CD38: variants seen among roughly 807,000 people sequenced by gnomAD.
The protein encoded by CD38 is ADP-ribosyl cyclase/cyclic ADP-ribose hydrolase 1.
A neutral mutation model predicts 36.3 loss-of-function variants in CD38; 31 were observed. The observed-to-expected ratio is 0.85, with a 90% CI of 0.64 to 1.15. CD38 has a LOEUF of 1.15. Ranked by LOEUF, CD38 falls within the 50% of genes most tolerant of loss-of-function variation. The pLI, the probability that CD38 is intolerant of heterozygous loss-of-function variation, is 0.00. For missense variants in CD38, 380 were observed against 371.9 expected (o/e 1.02, Z -0.18); for synonymous variants, 131 against 135.2 (o/e 0.97, Z 0.22).
At chr4:15,803,475 C>T (rs1348263923) in intron 1 of CD38, among the ~76,000 whole-genome samples, 1 of 152,066 alleles carries the variant, frequency 6.6e-6, no homozygotes, top group Admixed American at 6.6e-5. Context: ...TCTGAACAGA[C>T]GTTTCTCAAA....
intron 2 of CD38, among the ~76,000 whole-genome samples, chr4:15,821,242 G>T (rs1046443656): frequency 6.6e-6 from 1 of 151,992 alleles, no homozygotes; most frequent in African/African-American, 2.4e-5. Context: ...AAGCTAGGAA[G>T]ATATCAAATT....
At chr4:15,822,719 G>A (rs1263311486) in intron 2 of CD38, among the ~76,000 whole-genome samples, 3 of 152,162 alleles carry the variant, frequency 2.0e-5, no homozygotes, top group Non-Finnish European at 4.4e-5. Context: ...CCTTCCTCAT[G>A]GATAGGAAGA....
intron 2 of CD38, among the ~76,000 whole-genome samples, chr4:15,823,703 A>C (rs890924318): frequency 2.0e-5 from 3 of 152,256 alleles, no homozygotes; most frequent in Admixed American, 6.5e-5. Flanking sequence ...AAATGCTTTT[A>C]CACTGTTGGT....
chr4:15,802,905 T>C (rs1045898087), intron 1 of CD38, among the ~76,000 whole-genome samples: 3 of 152,170 alleles, frequency 2.0e-5, no homozygotes, highest in Non-Finnish European at 4.4e-5. Context: ...CTTTAAAATA[T>C]AATACTATAG....
chr4:15,811,453 G>A (rs985980493), intron 1 of CD38, among the ~76,000 whole-genome samples: 2 of 151,468 alleles, frequency 1.3e-5, no homozygotes, highest in Admixed American at 6.6e-5. Flanking sequence ...TGTATATGGT[G>A]TAAAGTATGG....
intron 1 of CD38, among the ~76,000 whole-genome samples, chr4:15,812,890 A>C (rs1402714223): frequency 6.6e-6 from 1 of 152,052 alleles, no homozygotes; most frequent in African/African-American, 2.4e-5. Context: ...GAATTGTTTA[A>C]ATTTTGATTT....
chr4:15,812,851 TATTA>T (rs886355280), intron 1 of CD38, among the ~76,000 whole-genome samples: 9 of 152,256 alleles, frequency 5.9e-5, no homozygotes, highest in African/African-American at 1.7e-4. Context: ...CTCCTAAGAA[TATTA>T]ATTGTTTTGC....
At chr4:15,840,350 C>G (rs755544412) in intron 6 of CD38, 102 bp from the exon 7 acceptor site, 2 of 819,368 alleles carry the variant, frequency 2.4e-6, no homozygotes, top group South Asian at 3.2e-5. Context: ...TACTTTACCT[C>G]TTTATCCAAG....
At chr4:15,848,512 A>G (rs747075592) in intron 7 of CD38, 27 bp from the exon 8 acceptor site, 17 of 1,591,346 alleles carry the variant, frequency 1.1e-5, no homozygotes, top group Admixed American at 1.7e-5. Flanking sequence ...CGGTCTCTTG[A>G]TTTCCTTTTT....
At chr4:15,848,097 A>G (rs1168693009) in intron 7 of CD38, among the ~76,000 whole-genome samples, 1 of 152,142 alleles carries the variant, frequency 6.6e-6, no homozygotes, top group Non-Finnish European at 1.5e-5. Context: ...CCCCCTATTC[A>G]TGTGCCAGCC....
intron 5 of CD38, among the ~76,000 whole-genome samples, chr4:15,839,158 G>A (rs11574928): frequency 0.059 from 8,915 of 152,034 alleles, 362 homozygotes; most frequent in East Asian, 0.18. Flanking sequence ...TTGTCCTTTC[G>A]TCTTCTGATC....
intron 7 of CD38, among the ~76,000 whole-genome samples, chr4:15,847,438 T>C (rs1419096233): frequency 9.0e-5 from 5 of 55,602 alleles, no homozygotes; most frequent in African/African-American, 3.4e-4. Flanking sequence ...AGGGATAGCA[T>C]TGGGAGATAT....
intron 1 of CD38, among the ~76,000 whole-genome samples, chr4:15,779,790 GC>G (rs1323965619): frequency 6.7e-6 from 1 of 150,312 alleles, no homozygotes; most frequent in Non-Finnish European, 1.5e-5. Flanking sequence ...ATGTTAGAAA[GC>G]AACCTCATTA....
chr4:15,815,897 G>T (rs888395735), intron 1 of CD38, among the ~76,000 whole-genome samples: 5 of 152,118 alleles, frequency 3.3e-5, no homozygotes, highest in Admixed American at 6.5e-5. Flanking sequence ...ATGGGCTATG[G>T]GTTTTTCAGA....
intron 1 of CD38, among the ~76,000 whole-genome samples, chr4:15,797,094 C>T (rs1723118606): frequency 6.6e-6 from 1 of 152,164 alleles, no homozygotes; most frequent in Admixed American, 6.5e-5. Context: ...CCTATTTCCC[C>T]ATACCCATAC....
intron 1 of CD38, among the ~76,000 whole-genome samples, chr4:15,812,948 T>C (rs1723503515): frequency 6.6e-6 from 1 of 152,216 alleles, no homozygotes. Flanking sequence ...ATACAATTGA[T>C]TTTTGTACAC....
At chr4:15,804,642 T>C (rs1723303848) in intron 1 of CD38, among the ~76,000 whole-genome samples, 2 of 152,148 alleles carry the variant, frequency 1.3e-5, no homozygotes, top group African/African-American at 2.4e-5. Flanking sequence ...CTGGAGGACA[T>C]TATGTTAAGT....
At chr4:15,789,432 G>A (rs1241778588) in intron 1 of CD38, among the ~76,000 whole-genome samples, 1 of 152,112 alleles carries the variant, frequency 6.6e-6, no homozygotes, top group Non-Finnish European at 1.5e-5. Context: ...ACATCTTGAG[G>A]CACCGAGTAC....
At chr4:15,825,228 T>TA (rs1723822897) in intron 3 of CD38, 2 of 508,266 alleles carry the variant, frequency 3.9e-6, no homozygotes, top group African/African-American at 3.9e-5. Flanking sequence ...GACTCACAGT[T>TA]ACGCAGGCTG....
Sources: gnomAD v4.1 joint callset for allele counts (sites outside exome capture counted in the v4.1 genomes callset) on GRCh38, gnomAD v4.1.1 for gene constraint, MANE v1.5 for transcripts, NCBI Gene and HGNC (gene_info 2026-07-23, HGNC 2026-07-21) for gene names.